Variants in INSL6 observed in about 807,000 individuals in gnomAD.
INSL6 encodes insulin like 6, also known as insulin-like peptide INSL6.
Under a neutral mutation model 9.4 loss-of-function variants are expected in INSL6, and 16 were observed. The observed-to-expected ratio is 1.70, with a 90% CI of 1.15 to 2.59. The LOEUF (loss-of-function observed/expected upper bound fraction) is 2.59. INSL6 is among the 30% of genes most tolerant of loss of function. The pLI, the probability that INSL6 is intolerant of heterozygous loss-of-function variation, is 0.00. For synonymous variants in INSL6, 154 were observed against 96.9 expected (o/e 1.59, Z -3.46); for missense variants, 391 against 257.3 (o/e 1.52, Z -3.56).
chr9:5,058,738 G>T, the INSL6 span, among the ~76,000 whole-genome samples: 14 of 152,086 alleles, frequency 9.2e-5, no homozygotes, highest in East Asian at 2.7e-3. Flanking sequence ...CCATCTGATG[G>T]GTGTGAAGTA....
chr9:5,066,074 G>T, the INSL6 span, among the ~76,000 whole-genome samples: 2 of 152,084 alleles, frequency 1.3e-5, no homozygotes, highest in Admixed American at 6.5e-5. Context: ...CTATGTGCAA[G>T]CATTGGTTTG....
chr9:5,044,755 T>G, the INSL6 span, among the ~76,000 whole-genome samples: 1 of 152,232 alleles, frequency 6.6e-6, no homozygotes, highest in African/African-American at 2.4e-5. Flanking sequence ...TGAATTTCTT[T>G]CTTTTTTAGG....
rs151121272 is a variant in INSL6, at chr9:5,165,507, T to C, written c.290-1242A>G. 4.5e-4 allele frequency among the ~76,000 whole-genome samples: 69 copies of C among 152,306 alleles called. 2 individuals are homozygous for C. The Middle Eastern group carries it at 0.014, about 30-fold the overall frequency. ...TAGCTCACTATATTTTTGATTCGCA[T>C]TTACCTCATGGCTAATGATGTTAAG... On this transcript the variant is annotated intron_variant, in intron 1 of 1. Coordinates refer to ENST00000381641, the MANE Select transcript of INSL6 (RefSeq NM_007179.3).
chr9:5,080,484 G>A, the INSL6 span: 2 of 1,538,488 alleles, frequency 1.3e-6, no homozygotes, highest in Admixed American at 2.1e-5. Flanking sequence ...AAAGAAGGTT[G>A]GTGTGGCATT....
At chr9:4,997,799 A>G in the INSL6 span, among the ~76,000 whole-genome samples, 1 of 152,242 alleles carries the variant, frequency 6.6e-6, no homozygotes, top group Non-Finnish European at 1.5e-5. Flanking sequence ...GTATAAGTCT[A>G]TCTGATTGAT....
intron 3 of INSL6, among the ~76,000 whole-genome samples, chr9:5,130,200 G>A (rs1258481923): frequency 1.3e-5 from 2 of 152,102 alleles, no homozygotes; most frequent in Non-Finnish European, 2.9e-5. Context: ...CTTTAAAGGA[G>A]CTCTAAGAGT....
At chr9:5,178,984 T>A (rs1825381593) in intron 1 of INSL6, among the ~76,000 whole-genome samples, 1 of 150,388 alleles carries the variant, frequency 6.6e-6, no homozygotes, top group South Asian at 2.1e-4. Flanking sequence ...CCAAAAGCAA[T>A]TGCAACAAAA....
chr9:5,177,328 C>A (rs1185808792), intron 1 of INSL6, among the ~76,000 whole-genome samples: 1 of 152,124 alleles, frequency 6.6e-6, no homozygotes, highest in African/African-American at 2.4e-5. Flanking sequence ...AGTGATTGTG[C>A]CACCCCGCCC....
At chr9:5,109,052 ACT>A in the INSL6 span, 1 of 151,836 alleles carries the variant, frequency 6.6e-6, no homozygotes, top group Non-Finnish European at 1.5e-5. Flanking sequence ...TAGTAAGGGA[ACT>A]CTCTGTGATC....
the INSL6 span, chr9:5,029,910 C>T: frequency 6.3e-7 from 1 of 1,575,314 alleles, no homozygotes; most frequent in Admixed American, 2.0e-5. Flanking sequence ...GAATAAGGTA[C>T]TTTCTTCAGT....
the INSL6 span, among the ~76,000 whole-genome samples, chr9:5,043,312 TA>T: frequency 1.2e-3 from 170 of 143,312 alleles, no homozygotes; most frequent in Admixed American, 2.4e-3. Context: ...TTAGGGGCTT[TA>T]AAAAAAAAAA....
chr9:5,113,464 G>C, the INSL6 span: 1 of 148,850 alleles, frequency 6.7e-6, no homozygotes, highest in African/African-American at 2.5e-5. Flanking sequence ...GACTGACCTT[G>C]GCCAGGCTGG....
the INSL6 span, among the ~76,000 whole-genome samples, chr9:5,096,263 A>T: frequency 6.6e-6 from 1 of 152,212 alleles, no homozygotes; most frequent in African/African-American, 2.4e-5. Context: ...GTTATAACTT[A>T]GAAATTTAGG....
At chr9:5,069,084 C>T in the INSL6 span, 17 of 1,610,378 alleles carry the variant, frequency 1.1e-5, no homozygotes, top group Non-Finnish European at 1.3e-5. Flanking sequence ...AAGAGTACAA[C>T]CTCAGTGGGA....
chr9:4,995,893 TACTG>T, the INSL6 span, among the ~76,000 whole-genome samples: 2 of 152,182 alleles, frequency 1.3e-5, no homozygotes, highest in African/African-American at 4.8e-5. Context: ...TTTTTGTACT[TACTG>T]AATGGGCATT....
chr9:5,176,352 C>T (rs12340379), intron 1 of INSL6, among the ~76,000 whole-genome samples: 55,423 of 152,028 alleles, frequency 0.36, 11,051 homozygotes, highest in African/African-American at 0.55. Context: ...TATCCTGTTT[C>T]ATTTTTCATT....
At chr9:5,143,235 ATTTTTT>A (rs61635617) in intron 2 of INSL6, among the ~76,000 whole-genome samples, 1 of 144,314 alleles carries the variant, frequency 6.9e-6, no homozygotes, top group African/African-American at 2.5e-5. Context: ...CTTCTCCTCA[ATTTTTT>A]TTTTTTAATA....
chr9:5,185,482 T>C lies in INSL6; in HGVS notation c.121A>G (p.Ile41Val), dbSNP rs756300946. ...KLCGRYLVKE[I>V]EKLCGHANWS... The stretch of plus-strand genomic sequence containing the variant: ...TTGGCATGGCCGCAGAGTTTTTCTA[T>C]TTCTTTCACCAAGTACCTGCCGCAC... The change falls in exon 1 of 2, where the codon ATA becomes GTA. Residue 41 changes from isoleucine to valine, a missense_variant. By Grantham distance (29) the Ile-to-Val change is conservative. Coordinates refer to ENST00000381641, the MANE Select transcript of INSL6 (RefSeq NM_007179.3). 1 of 1,614,204 alleles carries C rather than the reference T, an allele frequency of 6.2e-7. No individual in the cohort carries two copies. The highest frequency in any genetic ancestry group is 1.1e-5 in the South Asian group (1 of 91,076).
chr9:5,146,347 G>C (rs1824602263), intron 2 of INSL6, among the ~76,000 whole-genome samples: 1 of 152,188 alleles, frequency 6.6e-6, no homozygotes, highest in African/African-American at 2.4e-5. Flanking sequence ...AGCTGCATCG[G>C]AGTGCTAGTG....
Sources: allele counts gnomAD v4.1 joint callset (sites outside exome capture counted in the v4.1 genomes callset), GRCh38; gene constraint gnomAD v4.1.1; transcripts MANE v1.5; gene names NCBI Gene and HGNC (gene_info 2026-07-23, HGNC 2026-07-21).